GALNT10: variants seen among roughly 807,000 people sequenced by gnomAD.
The protein encoded by GALNT10 is GalNAc transferase 10.
GALNT10 carries 41 observed loss-of-function variants against 75.0 expected under a neutral mutation model. The observed-to-expected ratio is 0.55, with a 90% CI of 0.43 to 0.71. The LOEUF is 0.71. Ranked by LOEUF, GALNT10 falls within the 30% of genes least tolerant of loss-of-function variation. The probability of loss-of-function intolerance (pLI) is 0.00; values close to 1 mark genes in which losing one functional copy is unlikely to be tolerated. For missense variants in GALNT10, 727 were observed against 818.5 expected, an observed-to-expected ratio of 0.89 and a Z score of 1.36; for synonymous variants, 302 against 313.0, an observed-to-expected ratio of 0.96 and a Z score of 0.37.
chr5:154,343,615 T>TA (rs1485949872), intron 4 of GALNT10, among the ~76,000 whole-genome samples: 1 of 152,276 alleles, frequency 6.6e-6, no homozygotes, highest in Admixed American at 6.5e-5. Flanking sequence ...AAATGTCCAA[T>TA]AAAAAATATT....
At chr5:154,329,045 G>A (rs1754801901) in intron 3 of GALNT10, among the ~76,000 whole-genome samples, 1 of 151,996 alleles carries the variant, frequency 6.6e-6, no homozygotes, top group African/African-American at 2.4e-5. Flanking sequence ...GCCTCCTGGA[G>A]CCCACCAAGA....
chr5:154,411,280 T>C (rs889058409), intron 9 of GALNT10, among the ~76,000 whole-genome samples: 2 of 152,258 alleles, frequency 1.3e-5, no homozygotes, highest in Non-Finnish European at 2.9e-5. Context: ...ATGTTCCTTT[T>C]GTGTTGGCCT....
chr5:154,272,396 C>T (rs1581949566), intron 1 of GALNT10, among the ~76,000 whole-genome samples: 1 of 152,294 alleles, frequency 6.6e-6, no homozygotes, highest in African/African-American at 2.4e-5. Flanking sequence ...AGATCTATGG[C>T]CTTCTTTTAG....
At chr5:154,407,651 C>T (rs572483894) in intron 8 of GALNT10, among the ~76,000 whole-genome samples, 22 of 152,144 alleles carry the variant, frequency 1.4e-4, no homozygotes, top group Admixed American at 2.6e-4. Flanking sequence ...GGTGGACATA[C>T]TGGAAAAAGC....
intron 1 of GALNT10, among the ~76,000 whole-genome samples, chr5:154,267,203 T>G (rs1170002468): frequency 6.6e-6 from 1 of 152,200 alleles, no homozygotes; most frequent in Non-Finnish European, 1.5e-5. Flanking sequence ...AAGTACGATT[T>G]GCAATATGGG....
chr5:154,377,088 C>T (rs1475868245), intron 5 of GALNT10, among the ~76,000 whole-genome samples: 1 of 152,176 alleles, frequency 6.6e-6, no homozygotes, highest in African/African-American at 2.4e-5. Flanking sequence ...GAGTTCCTGG[C>T]AGATATCAGG....
intron 1 of GALNT10, among the ~76,000 whole-genome samples, chr5:154,254,598 G>A (rs1753579083): frequency 6.6e-6 from 1 of 150,648 alleles, no homozygotes; most frequent in Admixed American, 6.6e-5. Flanking sequence ...TTTTTTACTG[G>A]CATCAATACC....
intron 1 of GALNT10, among the ~76,000 whole-genome samples, chr5:154,257,051 G>C (rs1341506421): frequency 6.6e-6 from 1 of 152,022 alleles, no homozygotes; most frequent in East Asian, 1.9e-4. Context: ...AAGGTGGGAG[G>C]ATTGCTTGAA....
intron 1 of GALNT10, among the ~76,000 whole-genome samples, chr5:154,197,036 C>T (rs951758667): frequency 3.3e-5 from 5 of 152,226 alleles, no homozygotes; most frequent in East Asian, 1.9e-4. Flanking sequence ...TTTTGGGCAC[C>T]GAACCTGCAG....
At chr5:154,279,289 TG>T (rs1449365212) in intron 1 of GALNT10, among the ~76,000 whole-genome samples, 1 of 144,822 alleles carries the variant, frequency 6.9e-6, no homozygotes, top group Non-Finnish European at 1.5e-5. Flanking sequence ...TTGTTGTTGT[TG>T]TTGTTGTTGT....
chr5:154,286,989 G>GGTTA (rs1268969095), intron 1 of GALNT10, among the ~76,000 whole-genome samples: 1 of 152,200 alleles, frequency 6.6e-6, no homozygotes, highest in African/African-American at 2.4e-5. Flanking sequence ...TAGGTGCTAG[G>GGTTA]GTTAGGTCAG....
intron 3 of GALNT10, among the ~76,000 whole-genome samples, chr5:154,316,528 T>C (rs954273272): frequency 6.6e-6 from 1 of 152,252 alleles, no homozygotes; most frequent in Non-Finnish European, 1.5e-5. Flanking sequence ...CTAGGCTGTT[T>C]TCATTTTGCT....
chr5:154,234,101 C>T (rs957095098), intron 1 of GALNT10, among the ~76,000 whole-genome samples: 2 of 152,210 alleles, frequency 1.3e-5, no homozygotes, highest in African/African-American at 4.8e-5. Flanking sequence ...TTCCCCTCCT[C>T]TCTGGTGGTG....
intron 1 of GALNT10, among the ~76,000 whole-genome samples, chr5:154,231,304 G>T (rs1193919673): frequency 6.6e-6 from 1 of 152,184 alleles, no homozygotes; most frequent in African/African-American, 2.4e-5. Flanking sequence ...TTGCCTTCTT[G>T]GTTGGTTTGA....
At chr5:154,312,818 G>A (rs943610724) in intron 3 of GALNT10, among the ~76,000 whole-genome samples, 5 of 152,158 alleles carry the variant, frequency 3.3e-5, no homozygotes, top group Non-Finnish European at 7.3e-5. Flanking sequence ...CAGCTCACTG[G>A]GATGTGAGGT....
At chr5:154,371,736 T>C (rs1755572963) in intron 4 of GALNT10, among the ~76,000 whole-genome samples, 1 of 152,106 alleles carries the variant, frequency 6.6e-6, no homozygotes, top group Non-Finnish European at 1.5e-5. Flanking sequence ...GAAGTGATGT[T>C]ACCTGCCTGC....
In GALNT10 at chr5:154,383,613, C is replaced by A. The variant is rs571266294; in HGVS notation, c.939-2700C>A. ...CCTTAGAGCTGATATCCTGCCTATTCCATGCAGCCCCTCAGCCCCGGCCCC... is the reference window on the plus strand; with the variant it reads ...CCTTAGAGCTGATATCCTGCCTATTACATGCAGCCCCTCAGCCCCGGCCCC... On this transcript the variant is annotated intron_variant, in intron 6 of 11. Coordinates refer to ENST00000297107, the MANE Select transcript of GALNT10 (RefSeq NM_198321.4). 7.9e-5 allele frequency among the ~76,000 whole-genome samples: 12 copies of A among 152,290 alleles called. No homozygotes were observed. In the South Asian group the frequency reaches 2.5e-3, roughly 32 times the overall value.
At chr5:154,330,645 A>G (rs1026201942) in intron 4 of GALNT10, among the ~76,000 whole-genome samples, 1 of 152,204 alleles carries the variant, frequency 6.6e-6, no homozygotes, top group Non-Finnish European at 1.5e-5. Context: ...GAAATCTAAG[A>G]GGAAATTGCC....
chr5:154,309,370 C>T (rs1003241276), intron 3 of GALNT10, among the ~76,000 whole-genome samples: 4 of 152,066 alleles, frequency 2.6e-5, no homozygotes, highest in Non-Finnish European at 5.9e-5. Flanking sequence ...ATGACTAAGA[C>T]GGGATGCCAC....
Sources: allele counts gnomAD v4.1 joint callset (sites outside exome capture counted in the v4.1 genomes callset), GRCh38; gene constraint gnomAD v4.1.1; transcripts MANE v1.5; gene names NCBI Gene and HGNC (gene_info 2026-07-23, HGNC 2026-07-21).